COP1: variants seen among roughly 807,000 people sequenced by gnomAD.
The protein encoded by COP1 is E3 ubiquitin-protein ligase COP1.
A neutral mutation model predicts 101.3 loss-of-function variants in COP1; 24 were observed. The ratio of observed to expected loss-of-function variants is 0.24; its 90% CI spans 0.17 to 0.33. The LOEUF is 0.33. Among genes scored for constraint, COP1 ranks in the 10% least tolerant of loss-of-function variants. The probability of loss-of-function intolerance (pLI) is 1.00; values close to 1 mark genes in which losing one functional copy is unlikely to be tolerated. For missense variants in COP1, 663 were observed against 906.2 expected, an observed-to-expected ratio of 0.73 and a Z score of 3.45; for synonymous variants, 347 against 341.9, an observed-to-expected ratio of 1.01 and a Z score of -0.17.
intron 15 of COP1, among the ~76,000 whole-genome samples, chr1:176,014,148 T>C (rs1665185849): frequency 6.6e-6 from 1 of 152,128 alleles, no homozygotes. Flanking sequence ...GAGGTGAAAA[T>C]AGAGAACAGA....
At chr1:176,088,378 T>C (rs576730483) in intron 9 of COP1, among the ~76,000 whole-genome samples, 1 of 152,010 alleles carries the variant, frequency 6.6e-6, no homozygotes, top group South Asian at 2.1e-4. Context: ...TAAAAACAGG[T>C]GAATTATGAG....
At chr1:176,065,942 GGTGACCTCAAACTCCTGACCTC>G (rs1048708791) in intron 11 of COP1, among the ~76,000 whole-genome samples, 4 of 151,794 alleles carry the variant, frequency 2.6e-5, no homozygotes, top group Non-Finnish European at 4.4e-5. Context: ...CTCCTGACCT[GGTGACCTCAAACTCCTGACCTC>G]AAACACCTGC....
chr1:176,174,170 C>T (rs1179992412), intron 3 of COP1, among the ~76,000 whole-genome samples: 2 of 151,846 alleles, frequency 1.3e-5, no homozygotes, highest in African/African-American at 4.8e-5. Context: ...ATCTAGTAAA[C>T]ACCAAAATCT....
chr1:176,117,302 AT>A (rs1433537694), intron 8 of COP1, among the ~76,000 whole-genome samples: 1 of 152,164 alleles, frequency 6.6e-6, no homozygotes, highest in Non-Finnish European at 1.5e-5. Context: ...CCCAAAACCA[AT>A]ATACTAGTTT....
chr1:176,028,652 C>A (rs1462485286), intron 14 of COP1, among the ~76,000 whole-genome samples: 4 of 126,662 alleles, frequency 3.2e-5, no homozygotes, highest in South Asian at 2.5e-4. Flanking sequence ...ACATAAAAGA[C>A]AGGAACAAAA....
intron 3 of COP1, among the ~76,000 whole-genome samples, chr1:176,173,354 G>C (rs575184158): frequency 1.5e-5 from 2 of 135,320 alleles, no homozygotes; most frequent in Admixed American, 1.5e-4. Context: ...ACCAGTAATT[G>C]GCCAGGCACA....
chr1:176,047,480 CTTT>C, intron 11 of COP1, among the ~76,000 whole-genome samples: 2 of 152,140 alleles, frequency 1.3e-5, no homozygotes, highest in Non-Finnish European at 2.9e-5. Context: ...AATTACTATG[CTTT>C]ATTACAGATC....
At chr1:176,001,920 T>C (rs1661711231) in intron 15 of COP1, among the ~76,000 whole-genome samples, 2 of 152,152 alleles carry the variant, frequency 1.3e-5, no homozygotes, top group Admixed American at 6.6e-5. Context: ...TCCTACTGCC[T>C]GCTGGCAGTA....
chr1:175,996,240 A>C (rs1034989673), intron 15 of COP1, among the ~76,000 whole-genome samples: 7 of 152,194 alleles, frequency 4.6e-5, no homozygotes, highest in Admixed American at 2.6e-4. Flanking sequence ...TTTTGATGGG[A>C]TATATCTCAA....
chr1:176,116,434 A>C (rs1275381118), intron 9 of COP1, among the ~76,000 whole-genome samples, 190 bp downstream of exon 9: 1 of 152,256 alleles, frequency 6.6e-6, no homozygotes, highest in Non-Finnish European at 1.5e-5. Flanking sequence ...TTAAGTTCTT[A>C]TCATTGAAAA....
intron 17 of COP1, 122 bp from the exon 18 acceptor site, chr1:175,987,225 A>G: frequency 1.9e-6 from 1 of 517,602 alleles, no homozygotes. Flanking sequence ...CAAATTTGAA[A>G]GGCTAGATCA....
chr1:175,953,229 A>C (rs180895672), intron 18 of COP1, among the ~76,000 whole-genome samples: 217 of 152,266 alleles, frequency 1.4e-3, no homozygotes, highest in African/African-American at 4.7e-3. Context: ...CCATTAAAAA[A>C]TACAAGAAAC....
intron 3 of COP1, among the ~76,000 whole-genome samples, chr1:176,165,401 T>G (rs888441002): frequency 6.9e-6 from 1 of 145,382 alleles, no homozygotes; most frequent in Admixed American, 6.8e-5. Flanking sequence ...TGTGTGTGTG[T>G]GTGTGTAGGA....
chr1:176,206,877 G>C lies in COP1; in HGVS notation c.102C>G (p.Ser34=). The change falls in exon 1 of 20, where the codon TCC becomes TCG. Residue 34 remains serine, a synonymous_variant. Transcript: ENST00000367669. ...AAACCGCCACGGAAGGCGGCGACGG[G>C]GAAGAGGATAAAGACGAGGAGGCGG... The part of the protein sequence containing the change: ...VTSASSSLSS[S]PSPPSVAVSA... 2 of 1,447,984 alleles carry C rather than the reference G, an allele frequency of 1.4e-6. No individual in the cohort carries two copies. The highest frequency in any genetic ancestry group is 1.8e-6 in the Non-Finnish European group (2 of 1,104,510). The allele number at this position is 1,447,984 out of a possible 1,614,324, so 89.7% of individuals were successfully genotyped here.
intron 1 of COP1, among the ~76,000 whole-genome samples, chr1:176,198,032 T>C (rs757303415): frequency 1.3e-5 from 2 of 152,192 alleles, no homozygotes; most frequent in Admixed American, 6.5e-5. Context: ...AAATATACTA[T>C]GTTCATGATT....
At chr1:175,965,333 A>G (rs777350365) in intron 18 of COP1, among the ~76,000 whole-genome samples, 3 of 152,196 alleles carry the variant, frequency 2.0e-5, no homozygotes, top group Non-Finnish European at 2.9e-5. Flanking sequence ...AAATACAGAT[A>G]TAAGATATAG....
At chr1:176,027,972 G>A (rs1667971736) in intron 14 of COP1, among the ~76,000 whole-genome samples, 1 of 151,960 alleles carries the variant, frequency 6.6e-6, no homozygotes, top group Non-Finnish European at 1.5e-5. Context: ...AATGGCAGAA[G>A]GTGAATGAGG....
At chr1:176,008,244 G>T (rs1021920378) in intron 15 of COP1, among the ~76,000 whole-genome samples, 1 of 152,152 alleles carries the variant, frequency 6.6e-6, no homozygotes, top group Admixed American at 6.5e-5. Context: ...CCCACTGTCT[G>T]GCACTTCCTA....
intron 5 of COP1, among the ~76,000 whole-genome samples, chr1:176,156,590 C>G (rs1693489051): frequency 6.6e-6 from 1 of 152,102 alleles, no homozygotes; most frequent in African/African-American, 2.4e-5. Flanking sequence ...AACTAAAGTA[C>G]AAGCATGAAG....
Sources: gnomAD v4.1 joint callset for allele counts (sites outside exome capture counted in the v4.1 genomes callset) on GRCh38, gnomAD v4.1.1 for gene constraint, MANE v1.5 for transcripts, NCBI Gene and HGNC (gene_info 2026-07-23, HGNC 2026-07-21) for gene names.